The following ASAP2 variants were observed in gnomAD, a reference collection of about 807,000 sequenced individuals.
The protein encoded by ASAP2 is arf-GAP with SH3 domain, ANK repeat and PH domain-containing protein 2.
Under a neutral mutation model 131.4 loss-of-function variants are expected in ASAP2, and 45 were observed. The ratio of observed to expected loss-of-function variants is 0.34; its 90% CI spans 0.27 to 0.44. ASAP2 has a LOEUF of 0.44. ASAP2 is among the 20% of genes least tolerant of loss of function. The probability of loss-of-function intolerance (pLI) is 1.00; values close to 1 mark genes in which losing one functional copy is unlikely to be tolerated. For missense variants in ASAP2, 1,011 were observed against 1,297.0 expected (o/e 0.78, Z 3.39); for synonymous variants, 510 against 503.0 (o/e 1.01, Z -0.19).
rs1224298686 is a variant in ASAP2 at position 9,389,901 on chromosome 2, G to A, written c.2384-1161G>A. ...TGGCTGGTCGGGGCCCAGGGTGGGT[G>A]CGGCTTTCTCCCCGCCTCTCCCAGA... On this transcript the variant is annotated intron_variant, in intron 22 of 27. Coordinates refer to ENST00000281419, the MANE Select transcript of ASAP2 (RefSeq NM_003887.3). This position sits in a 1 kb window ranked among gnomAD's most constrained non-coding sequence, Gnocchi z 4.7. Among the ~76,000 whole-genome samples the A allele has an allele frequency of 6.6e-6, 1 of 152,172 alleles. No homozygotes were observed. The highest frequency in any genetic ancestry group is 1.5e-5 in the Non-Finnish European group (1 of 68,022).
intron 7 of ASAP2, among the ~76,000 whole-genome samples, chr2:9,330,911 TGA>T (rs918126389): frequency 3.9e-5 from 6 of 152,362 alleles, no homozygotes; most frequent in Admixed American, 3.9e-4. Context: ...TTTTTGGATA[TGA>T]GAGAGAGTGT....
At position 9,393,573 on chromosome 2, in the gene ASAP2, G is replaced by T; in HGVS notation, c.2610G>T (p.Gly870=). 7 of 1,598,304 alleles carry T rather than the reference G, an allele frequency of 4.4e-6. No homozygotes were observed. The highest frequency in any genetic ancestry group is 6.0e-6 in the Non-Finnish European group (7 of 1,173,680). ...AGCCGAGCAAGCCTGCCCCGCCTGGGATCTCACAGATCAGGCCCCCACCTC... is the reference window on the plus strand; with the variant it reads ...AGCCGAGCAAGCCTGCCCCGCCTGGTATCTCACAGATCAGGCCCCCACCTC... ...LSQPSKPAPP[G]ISQIRPPPLP... is the part of the protein sequence containing the mutation. The change falls in exon 24 of 28, where the codon GGG becomes GGT. Residue 870 remains glycine (G), a synonymous_variant. Coordinates refer to ENST00000281419, the MANE Select transcript of ASAP2 (RefSeq NM_003887.3).
At chr2:9,269,252 C>CCG (rs1553300817) in intron 1 of ASAP2, among the ~76,000 whole-genome samples, 5 of 144,958 alleles carry the variant, frequency 3.4e-5, no homozygotes, top group Non-Finnish European at 7.5e-5. Flanking sequence ...AATTATTTTG[C>CCG]GGGGGGGAGG....
At chr2:9,373,019 A>G (rs1017168227) in intron 16 of ASAP2, among the ~76,000 whole-genome samples, 1 of 151,716 alleles carries the variant, frequency 6.6e-6, no homozygotes, top group Non-Finnish European at 1.5e-5. Flanking sequence ...GGAGATGAAA[A>G]CTCATGGCAC....
chr2:9,359,133 A>G (rs1239373958), intron 15 of ASAP2, among the ~76,000 whole-genome samples: 1 of 152,174 alleles, frequency 6.6e-6, no homozygotes, highest in Admixed American at 6.5e-5. Flanking sequence ...GAGCATTGAG[A>G]GTGGTGTGAG....
intron 15 of ASAP2, among the ~76,000 whole-genome samples, chr2:9,365,490 C>T (rs1319816683): frequency 6.6e-6 from 1 of 152,196 alleles, no homozygotes; most frequent in Non-Finnish European, 1.5e-5. Flanking sequence ...TTTCCCTGCC[C>T]CACCCCAAAC....
intron 15 of ASAP2, among the ~76,000 whole-genome samples, chr2:9,362,402 T>G (rs1673163057): frequency 6.6e-6 from 1 of 152,204 alleles, no homozygotes; most frequent in Admixed American, 6.5e-5. Context: ...GATTTTATTT[T>G]TTTAATTAAT....
intron 23 of ASAP2, among the ~76,000 whole-genome samples, chr2:9,393,109 T>C (rs946132614): frequency 5.3e-5 from 8 of 152,166 alleles, no homozygotes; most frequent in African/African-American, 1.7e-4. Context: ...GGTCAGTCGA[T>C]GTGCAAAGCA....
chr2:9,282,560 CA>C (rs1667192815), intron 2 of ASAP2, among the ~76,000 whole-genome samples: 1 of 152,124 alleles, frequency 6.6e-6, no homozygotes, highest in Non-Finnish European at 1.5e-5. Flanking sequence ...TGCCAGCGAC[CA>C]CAGTTGGCTT....
At chr2:9,277,599 T>C (rs1252270415) in intron 1 of ASAP2, among the ~76,000 whole-genome samples, 1 of 152,122 alleles carries the variant, frequency 6.6e-6, no homozygotes, top group African/African-American at 2.4e-5. Flanking sequence ...GAATGGAAAA[T>C]ACAGAAACTT....
At chr2:9,299,881 A>G (rs1668375129) in intron 3 of ASAP2, among the ~76,000 whole-genome samples, 1 of 152,234 alleles carries the variant, frequency 6.6e-6, no homozygotes, top group South Asian at 2.1e-4. Context: ...CCATAAGGTC[A>G]GTCAATGTCA....
At chr2:9,327,535 AGTCTTCCATG>A (rs1318081745) in intron 6 of ASAP2, among the ~76,000 whole-genome samples, 1 of 152,182 alleles carries the variant, frequency 6.6e-6, no homozygotes, top group Non-Finnish European at 1.5e-5. Flanking sequence ...AACCATCCAT[AGTCTTCCATG>A]TAGCTAGAGT....
intron 21 of ASAP2, among the ~76,000 whole-genome samples, chr2:9,386,485 A>G (rs937484309): frequency 1.3e-5 from 2 of 152,212 alleles, no homozygotes; most frequent in African/African-American, 2.4e-5. Flanking sequence ...AGCAGGTTGC[A>G]TAGTCCAAGG....
intron 17 of ASAP2, among the ~76,000 whole-genome samples, chr2:9,376,138 CTCT>C (rs1312524807): frequency 6.6e-6 from 1 of 152,270 alleles, no homozygotes; most frequent in Non-Finnish European, 1.5e-5. Flanking sequence ...TCCGTGCAGG[CTCT>C]GAGCTGGTCC....
At chr2:9,314,721 G>A (rs977822453) in intron 3 of ASAP2, among the ~76,000 whole-genome samples, 6 of 151,978 alleles carry the variant, frequency 3.9e-5, no homozygotes, top group African/African-American at 1.5e-4. Context: ...ATCACTTGAG[G>A]TCAGGAGTTT....
chr2:9,375,007 C>T (rs1572579606), intron 17 of ASAP2, 63 bp downstream of exon 17: 1 of 1,466,804 alleles, frequency 6.8e-7, no homozygotes, highest in Non-Finnish European at 9.1e-7. Context: ...TGGCTCATGC[C>T]TGGGATCCAG....
intron 9 of ASAP2, among the ~76,000 whole-genome samples, chr2:9,341,386 C>T (rs962138424): frequency 2.6e-5 from 4 of 152,126 alleles, no homozygotes; most frequent in Non-Finnish European, 5.9e-5. Context: ...AATAGGCCAG[C>T]TTAATTCAGA....
chr2:9,255,912 G>C (rs1014672769), intron 1 of ASAP2, among the ~76,000 whole-genome samples: 1 of 152,158 alleles, frequency 6.6e-6, no homozygotes, highest in Non-Finnish European at 1.5e-5. Flanking sequence ...ATGCGTATTG[G>C]TAGGTAGCAT....
At chr2:9,240,925 T>C (rs75203841) in intron 1 of ASAP2, among the ~76,000 whole-genome samples, 4,133 of 152,330 alleles carry the variant, frequency 0.027, 106 homozygotes, top group Admixed American at 0.087. Context: ...AGGTGACTCA[T>C]GGGCAGGTAG....
Sources: allele counts gnomAD v4.1 joint callset (sites outside exome capture counted in the v4.1 genomes callset), GRCh38; gene constraint gnomAD v4.1.1; non-coding constraint Gnocchi (gnomAD v3.1); transcripts MANE v1.5; gene names NCBI Gene and HGNC (gene_info 2026-07-23, HGNC 2026-07-21).